Variants in UXS1 observed in about 807,000 individuals in gnomAD.
UXS1 encodes UDP-glucuronic acid decarboxylase 1.
UXS1 carries 33 observed loss-of-function variants against 62.6 expected under a neutral mutation model. The observed-to-expected ratio is 0.53, with a 90% CI of 0.40 to 0.70. UXS1 has a LOEUF of 0.70. UXS1 is among the 30% of genes least tolerant of loss of function. The pLI is 0.00. For synonymous variants in UXS1, 213 were observed against 206.8 expected, an observed-to-expected ratio of 1.03 and a Z score of -0.26; for missense variants, 434 against 556.3, an observed-to-expected ratio of 0.78 and a Z score of 2.21.
intron 11 of UXS1, 143 bp downstream of exon 11, chr2:106,104,651 T>G (rs1397895706): frequency 2.0e-6 from 2 of 1,010,130 alleles, no homozygotes; most frequent in East Asian, 5.3e-5. Flanking sequence ...TTTCCCATCA[T>G]AAAATTAAAA....
At chr2:106,185,136 A>C (rs1684478505) in intron 1 of UXS1, among the ~76,000 whole-genome samples, 1 of 151,950 alleles carries the variant, frequency 6.6e-6, no homozygotes, top group Non-Finnish European at 1.5e-5. Flanking sequence ...TCATTCCATC[A>C]CTTTCACCTT....
chr2:106,187,373 A>G (rs958036976), intron 1 of UXS1, among the ~76,000 whole-genome samples: 3 of 152,094 alleles, frequency 2.0e-5, no homozygotes, highest in African/African-American at 7.2e-5. Context: ...GCTGTCCCCC[A>G]GGGTCCTCTG....
chr2:106,146,358 C>T (rs1681565281), intron 5 of UXS1, among the ~76,000 whole-genome samples: 1 of 152,160 alleles, frequency 6.6e-6, no homozygotes, highest in African/African-American at 2.4e-5. Context: ...ATCCTTTCTA[C>T]CTAAAATAAA....
At chr2:106,173,780 T>C (rs1264819157) in intron 1 of UXS1, among the ~76,000 whole-genome samples, 2 of 152,244 alleles carry the variant, frequency 1.3e-5, no homozygotes, top group African/African-American at 2.4e-5. Context: ...GTATTCTTTT[T>C]GACTTTTTTC....
intron 1 of UXS1, among the ~76,000 whole-genome samples, chr2:106,190,780 G>A (rs1302663049): frequency 6.7e-6 from 1 of 149,408 alleles, no homozygotes; most frequent in Non-Finnish European, 1.5e-5. Context: ...GCCTGCTTCT[G>A]GGGAGAGGGA....
chr2:106,178,467 C>A (rs1025306553), intron 1 of UXS1, among the ~76,000 whole-genome samples: 2 of 151,604 alleles, frequency 1.3e-5, no homozygotes, highest in African/African-American at 4.8e-5. Flanking sequence ...TGTGTATATA[C>A]ATACAAGTGT....
chr2:106,147,295 A>G (rs73951230), intron 5 of UXS1, among the ~76,000 whole-genome samples: 5,032 of 152,264 alleles, frequency 0.033, 125 homozygotes, highest in East Asian at 0.062. Flanking sequence ...TTTAGACACA[A>G]CTGACCAACG....
At position 106,098,588 on chromosome 2, in the gene UXS1, T is replaced by G. The variant is rs72945642; in HGVS notation, c.1042+128A>C. ...AAATTAGAAAACACTTAAGTATTCC[T>G]GATAAAAAGTTCTGCTTTGATCCAA... On this transcript the variant is annotated intron_variant, in intron 13 of 14. Transcript: ENST00000283148. 4.7e-4 allele frequency: 352 copies of G among 741,608 alleles called. 3 individuals are homozygous for G. The African/African-American group carries it at 5.7e-3, about 12-fold the overall frequency. 45.9% of individuals were successfully genotyped at this position (741,608 alleles called of 1,614,324 possible). A position where few individuals can be genotyped will look rare whatever the true frequency, so the allele number is the denominator to read the frequency against.
intron 4 of UXS1, chr2:106,159,990 C>A (rs974194695): frequency 2.0e-5 from 3 of 152,182 alleles, no homozygotes; most frequent in African/African-American, 7.2e-5. Flanking sequence ...GGGGCTCCCC[C>A]TTGTGAGCTC....
Position 106,104,722 on chromosome 2 carries a change from ACTGT to A in UXS1, c.923+68_923+71del, listed in dbSNP as rs751700152. Reference sequence around the variant, plus strand: ...ATGGTTAACATATACAAGACACTGAACTGTCTGTCAAGTTGGCATGACCCCTGCT... The same window carrying A: ...ATGGTTAACATATACAAGACACTGAACTGTCAAGTTGGCATGACCCCTGCT... On this transcript the variant is annotated intron_variant, in intron 11 of 14. Transcript: ENST00000283148. The A allele has an allele frequency of 1.5e-5, 23 of 1,576,310 alleles. No individual in the cohort carries two copies. The African/African-American group carries it at 1.5e-4, about 10-fold the overall frequency.
In UXS1 at chr2:106,194,298, A is replaced by C. The variant is rs1685138377; in HGVS notation, c.-57T>G. 44 of 986,012 alleles carry C rather than the reference A, an allele frequency of 4.5e-5. No individual in the cohort carries two copies. The highest frequency in any genetic ancestry group is 5.0e-5 in the Admixed American group (1 of 19,862). The allele number at this position is 986,012 out of a possible 1,614,324, so 61.1% of individuals were successfully genotyped here. ...CGCGCGGGGGCCCGCCTGCTGCACA[A>C]TGCGCGGCGGCGGCGGCGGCAGCGG... On this transcript the variant is annotated 5_prime_UTR_variant, in exon 1 of 15. Coordinates refer to ENST00000283148, the MANE Select transcript of UXS1 (RefSeq NM_001253875.2).
chr2:106,129,578 C>G, intron 7 of UXS1, 96 bp downstream of exon 7: 1 of 1,052,230 alleles, frequency 9.5e-7, no homozygotes, highest in Non-Finnish European at 1.4e-6. Context: ...GGAACACACT[C>G]AGATCAAACT....
intron 6 of UXS1, among the ~76,000 whole-genome samples, chr2:106,130,955 C>A (rs4851928): frequency 3.3e-5 from 5 of 151,908 alleles, no homozygotes; most frequent in Non-Finnish European, 7.4e-5. Context: ...GCGTGAGCGA[C>A]GCAGAAGACG....
intron 6 of UXS1, among the ~76,000 whole-genome samples, chr2:106,142,908 T>G (rs1007303355): frequency 4.3e-5 from 6 of 140,280 alleles, no homozygotes; most frequent in Non-Finnish European, 6.3e-5. Flanking sequence ...TGTGTGGGTG[T>G]GTGTGTTTGC....
At chr2:106,138,679 C>A in intron 6 of UXS1, 1 of 985,486 alleles carries the variant, frequency 1.0e-6, no homozygotes, top group Non-Finnish European at 1.2e-6. Flanking sequence ...CCTCACTGGA[C>A]AGGTCAGTCC....
At chr2:106,155,448 T>A (rs1291520828) in intron 5 of UXS1, among the ~76,000 whole-genome samples, 1 of 152,190 alleles carries the variant, frequency 6.6e-6, no homozygotes, top group Non-Finnish European at 1.5e-5. Flanking sequence ...ATTAGTTAAT[T>A]ACAAGGCATT....
intron 1 of UXS1, among the ~76,000 whole-genome samples, chr2:106,191,306 G>T (rs1321178411): frequency 6.6e-6 from 1 of 152,174 alleles, no homozygotes; most frequent in East Asian, 1.9e-4. Context: ...TGGGAAGTAT[G>T]GACAGTTTTT....
chr2:106,112,622 C>G, intron 10 of UXS1, 24 bp downstream of exon 10: 1 of 1,612,626 alleles, frequency 6.2e-7, no homozygotes, highest in Non-Finnish European at 8.5e-7. Flanking sequence ...GCAAGGTGCT[C>G]CCTGAGCCGA....
chr2:106,168,511 C>T (rs1402577899), intron 1 of UXS1, among the ~76,000 whole-genome samples: 2 of 152,180 alleles, frequency 1.3e-5, no homozygotes, highest in East Asian at 3.8e-4. Flanking sequence ...ACTTTAAGGA[C>T]TCGCCTTGAA....
Sources: allele counts gnomAD v4.1 joint callset (sites outside exome capture counted in the v4.1 genomes callset), GRCh38; gene constraint gnomAD v4.1.1; transcripts MANE v1.5; gene names NCBI Gene and HGNC (gene_info 2026-07-23, HGNC 2026-07-21).